Variants in ROCK2 observed in about 807,000 individuals in gnomAD.
The protein encoded by ROCK2 is Rho associated coiled-coil containing protein kinase 2, also known as rho-associated protein kinase 2.
In ROCK2, 61 loss-of-function variants were observed where a neutral mutation model predicts 195.1. The observed-to-expected ratio is 0.31, with a 90% CI of 0.25 to 0.39. The LOEUF (loss-of-function observed/expected upper bound fraction) is 0.39. ROCK2 is among the 10% of genes least tolerant of loss of function. The pLI, the probability that ROCK2 is intolerant of heterozygous loss-of-function variation, is 1.00. For synonymous variants in ROCK2, 504 were observed against 545.5 expected (o/e 0.92, Z 1.06); for missense variants, 1,109 against 1,637.4 (o/e 0.68, Z 5.57).
At chr2:11,231,415 C>T (rs992577715) in intron 5 of ROCK2, among the ~76,000 whole-genome samples, 4 of 152,088 alleles carry the variant, frequency 2.6e-5, no homozygotes, top group East Asian at 1.9e-4. Context: ...ACCATACTAG[C>T]GAGGCTGGTC....
chr2:11,232,337 C>T (rs1665046516), intron 5 of ROCK2, among the ~76,000 whole-genome samples: 1 of 152,064 alleles, frequency 6.6e-6, no homozygotes, highest in African/African-American at 2.4e-5. Flanking sequence ...CCTTGTTTCC[C>T]AGGCTGGTCT....
intron 5 of ROCK2, among the ~76,000 whole-genome samples, chr2:11,227,668 AT>A (rs1664862089): frequency 6.6e-6 from 1 of 152,222 alleles, no homozygotes; most frequent in Non-Finnish European, 1.5e-5. Context: ...TAAAATGGAG[AT>A]TCCATGCAAA....
At chr2:11,306,577 G>A (rs1327287046) in intron 1 of ROCK2, among the ~76,000 whole-genome samples, 1 of 152,150 alleles carries the variant, frequency 6.6e-6, no homozygotes, top group Non-Finnish European at 1.5e-5. Context: ...ATGACTGAGT[G>A]TACATAAAAT....
At chr2:11,205,258 G>C (rs959883637) in intron 20 of ROCK2, among the ~76,000 whole-genome samples, 1 of 152,158 alleles carries the variant, frequency 6.6e-6, no homozygotes. Context: ...CAGCAGATTA[G>C]TTCATTTAGT....
chr2:11,198,987 G>A (rs1413856725), intron 23 of ROCK2, among the ~76,000 whole-genome samples: 6 of 148,714 alleles, frequency 4.0e-5, no homozygotes, highest in Non-Finnish European at 5.9e-5. Flanking sequence ...TGCAACCTCC[G>A]CCTCCTGGGT....
chr2:11,301,449 A>C (rs1020575030), intron 1 of ROCK2, among the ~76,000 whole-genome samples: 3 of 152,086 alleles, frequency 2.0e-5, no homozygotes, highest in Non-Finnish European at 4.4e-5. Flanking sequence ...GTATCAACAT[A>C]ACCAAAATTA....
intron 4 of ROCK2, among the ~76,000 whole-genome samples, chr2:11,240,297 C>A (rs951427211): frequency 3.9e-5 from 6 of 152,200 alleles, no homozygotes; most frequent in Admixed American, 2.0e-4. Flanking sequence ...ACACGTGAGT[C>A]ACCTCACTGG....
At chr2:11,224,851 T>C (rs1664759725) in intron 6 of ROCK2, among the ~76,000 whole-genome samples, 1 of 152,132 alleles carries the variant, frequency 6.6e-6, no homozygotes, top group Admixed American at 6.6e-5. Context: ...AATCATTCTC[T>C]AGAGATATGT....
At chr2:11,255,695 G>A (rs140929789) in intron 3 of ROCK2, among the ~76,000 whole-genome samples, 3,113 of 150,788 alleles carry the variant, frequency 0.021, 57 homozygotes, top group Middle Eastern at 0.048. Context: ...TGAGGTGAGC[G>A]GATCACTTGA....
In ROCK2 at chr2:11,201,128, G is replaced by C. The variant is rs202110068; in HGVS notation, c.2739C>G (p.Ala913=). ...CTTTGGTCAAGGTGATCTCCAGTTG[G>C]GCAGCCAAAGAGTCCCTACATTTTA... ...ELQDERDSLA[A]QLEITLTKAD... Residue 913 remains alanine, a synonymous_variant, in exon 23 of 33, where the codon GCC becomes GCG. Coordinates refer to ENST00000315872, the MANE Select transcript of ROCK2 (RefSeq NM_004850.5). The surrounding 1 kb of genome is among the most constrained non-coding windows in gnomAD (Gnocchi z 4.6). The C allele has an allele frequency of 3.7e-6, 6 of 1,608,100 alleles. No homozygotes were observed. The East Asian group carries it at 1.3e-4, about 36-fold the overall frequency.
chr2:11,227,316 C>T lies in ROCK2; in HGVS notation c.806G>A (p.Gly269Asp). The change falls in exon 6 of 33, where the codon GGT becomes GAT. Residue 269 changes from glycine to aspartate, a missense_variant. Gly to Asp is a moderately conservative substitution (Grantham distance 94). This residue lies in a region of ROCK2 where 253 missense variants were observed against 455.5 expected (regional missense o/e 0.56). Coordinates refer to ENST00000315872, the MANE Select transcript of ROCK2 (RefSeq NM_004850.5). ...PEVLKSQGGD[G>D]FYGRECDWWS... ...CCAATCACATTCTCGCCCATAGAAA[C>T]CATCACCCCCTTGTGATTTCAGAAC... 2 of 1,613,972 alleles carry T rather than the reference C, an allele frequency of 1.2e-6. No individual in the cohort carries two copies. Among genetic ancestry groups the T allele is most frequent in the Non-Finnish European group, 8.5e-7 (1 of 1,179,900 alleles).
chr2:11,201,460 T>A lies in ROCK2; in HGVS notation c.2620-47A>T. 1 of 992,760 alleles carries A rather than the reference T, an allele frequency of 1.0e-6. No homozygotes were observed. Among genetic ancestry groups the A allele is most frequent in the Non-Finnish European group, 1.6e-6 (1 of 626,332 alleles). 61.5% of individuals were successfully genotyped at this position (992,760 alleles called of 1,614,324 possible). A position where few individuals can be genotyped will look rare whatever the true frequency, so the allele number is the denominator to read the frequency against. On this transcript the variant is annotated intron_variant, in intron 21 of 32. Coordinates refer to ENST00000315872, the MANE Select transcript of ROCK2 (RefSeq NM_004850.5). The surrounding 1 kb of genome is among the most constrained non-coding windows in gnomAD (Gnocchi z 4.6). ...AAATGCGTATCATCATCAGAAATATTACTTCTACATTCAAAAGCTATTCAG... is the reference window on the plus strand; with the variant it reads ...AAATGCGTATCATCATCAGAAATATAACTTCTACATTCAAAAGCTATTCAG...
At chr2:11,237,803 A>C (rs1338520643) in intron 4 of ROCK2, among the ~76,000 whole-genome samples, 1 of 152,224 alleles carries the variant, frequency 6.6e-6, no homozygotes, top group East Asian at 1.9e-4. Context: ...AGCTGGGCAC[A>C]GCAGTGGCTC....
At chr2:11,258,429 C>T (rs1330596530) in intron 3 of ROCK2, among the ~76,000 whole-genome samples, 3 of 151,520 alleles carry the variant, frequency 2.0e-5, no homozygotes, top group Non-Finnish European at 4.4e-5. Flanking sequence ...GCTTTGTCAA[C>T]TGCTCTTAGT....
At chr2:11,342,627 G>A (rs1301368154) in intron 1 of ROCK2, among the ~76,000 whole-genome samples, 1 of 152,160 alleles carries the variant, frequency 6.6e-6, no homozygotes, top group Non-Finnish European at 1.5e-5. Flanking sequence ...AATGCTGGGA[G>A]TGCAGCCCAG....
rs1663008856 is a variant in ROCK2, at chr2:11,181,834, T to C, written c.*1603A>G. On this transcript the variant is annotated 3_prime_UTR_variant, in exon 33 of 33. Coordinates refer to ENST00000315872, the MANE Select transcript of ROCK2 (RefSeq NM_004850.5). ...TATTGGTAGAGACGGAGTTTCACTA[T>C]GTTGGGCAGGCTGGTCTTGAACTCC... 6.6e-6 allele frequency: 1 copy of C among 152,016 alleles called. No homozygotes were observed. The highest frequency in any genetic ancestry group is 1.5e-5 in the Non-Finnish European group (1 of 67,994). The allele number at this position is 152,016 out of a possible 1,614,324, so 9.4% of individuals were successfully genotyped here.
chr2:11,190,258 T>C (rs546716280), intron 32 of ROCK2, among the ~76,000 whole-genome samples: 2 of 151,898 alleles, frequency 1.3e-5, no homozygotes, highest in Non-Finnish European at 2.9e-5. Flanking sequence ...TTTATTTACA[T>C]GCAGATATGA....
At chr2:11,281,208 TA>T (rs1173116040) in intron 3 of ROCK2, among the ~76,000 whole-genome samples, 8,182 of 100,616 alleles carry the variant, frequency 0.081, 265 homozygotes, top group African/African-American at 0.12. Flanking sequence ...ACTCATTATT[TA>T]AAAAAAAAAA....
At chr2:11,309,181 TA>T (rs34609303) in intron 1 of ROCK2, among the ~76,000 whole-genome samples, 93 of 146,514 alleles carry the variant, frequency 6.3e-4, no homozygotes, top group African/African-American at 1.5e-3. Context: ...TACTTTCTAT[TA>T]AAAAAAAAAA....
Sources: gnomAD v4.1 joint callset for allele counts (sites outside exome capture counted in the v4.1 genomes callset) on GRCh38, gnomAD v4.1.1 for gene constraint, gnomAD v4.1.1 regional missense constraint, Gnocchi (gnomAD v3.1) non-coding constraint, MANE v1.5 for transcripts, NCBI Gene and HGNC (gene_info 2026-07-23, HGNC 2026-07-21) for gene names.